The following TUBG1 variants were observed in gnomAD, a reference collection of about 807,000 sequenced individuals.
TUBG1 encodes the protein tubulin gamma 1.
TUBG1 carries 22 observed loss-of-function variants against 53.3 expected under a neutral mutation model. That is an observed-to-expected ratio of 0.41 (90% CI 0.29 to 0.59). The LOEUF (loss-of-function observed/expected upper bound fraction) is 0.59, where lower values mean the gene tolerates loss of function less well. Among genes scored for constraint, TUBG1 ranks in the 20% least tolerant of loss-of-function variants. TUBG1 has a pLI of 0.26. For synonymous variants in TUBG1, 198 were observed against 236.7 expected, an observed-to-expected ratio of 0.84 and a Z score of 1.50; for missense variants, 217 against 598.9, an observed-to-expected ratio of 0.36 and a Z score of 6.66.
Position 42,615,088 on chromosome 17 carries a change from C to A in TUBG1, c.*47C>A. The stretch of plus-strand genomic sequence containing the variant: ...CATCTGCCTTACTGGTTGGCCCAAG[C>A]CCTGCCTGACTGACCACCCCCTCAG... On this transcript the variant is annotated 3_prime_UTR_variant, in exon 11 of 11. Transcript: ENST00000251413. The A allele has an allele frequency of 6.3e-7, 1 of 1,598,182 alleles. No homozygotes were observed. Among genetic ancestry groups the A allele is most frequent in the South Asian group, 1.1e-5 (1 of 90,030 alleles).
In TUBG1 at chr17:42,612,153, C is replaced by T. The variant is rs533901827; in HGVS notation, c.399+10C>T. The stretch of plus-strand genomic sequence containing the variant: ...TAGTGACAGTCTAGAGGTAAGTGTC[C>T]CAGGAATGCTGGTAGGAGCCGACAT... On this transcript the variant is annotated intron_variant, in intron 4 of 10. Transcript: ENST00000251413. 6.2e-7 allele frequency: 1 copy of T among 1,613,796 alleles called. No individual in the cohort carries two copies. The highest frequency in any genetic ancestry group is 1.1e-5 in the South Asian group (1 of 91,068).
intron 3 of TUBG1, 163 bp downstream of exon 3, chr17:42,610,753 C>A: frequency 1.0e-6 from 1 of 962,090 alleles, no homozygotes; most frequent in Non-Finnish European, 1.5e-6. Flanking sequence ...CCTACACTAG[C>A]TAATGCAGTG....
chr17:42,610,883 G>C, intron 3 of TUBG1: 1 of 356,988 alleles, frequency 2.8e-6, no homozygotes, highest in Non-Finnish European at 5.0e-6. Flanking sequence ...AGAAAGCCAT[G>C]AAACCAAAGG....
intron 3 of TUBG1, chr17:42,611,024 T>C (rs2052028361): frequency 6.5e-6 from 1 of 154,248 alleles, no homozygotes; most frequent in African/African-American, 2.4e-5. Context: ...CAGGCTGGAG[T>C]GCAGTGGCAC....
At position 42,613,717 on chromosome 17, in the gene TUBG1, C is replaced by T; in HGVS notation, c.677C>T (p.Ser226Phe). ...DRLHIQNPSF[S>F]QINQLVSTIM... ...CTGCACATCCAGAACCCATCCTTCT[C>T]CCAGATCAACCAGCTGGTGGGCCCC... Residue 226 changes from serine (S) to phenylalanine (F), a missense_variant, in exon 7 of 11, where the codon TCC becomes TTC. Coordinates refer to ENST00000251413, the MANE Select transcript of TUBG1 (RefSeq NM_001070.5). 1 of 1,614,160 alleles carries T rather than the reference C, an allele frequency of 6.2e-7. No homozygotes were observed. The highest frequency in any genetic ancestry group is 8.5e-7 in the Non-Finnish European group (1 of 1,180,026).
rs1486665961 is a variant in TUBG1 at position 42,612,262 on chromosome 17, T to C, written c.399+119T>C. 14 of 1,321,790 alleles carry C rather than the reference T, an allele frequency of 1.1e-5. 1 individual carries two copies. The highest frequency in any genetic ancestry group is 1.4e-5 in the Non-Finnish European group (13 of 922,072). The allele number at this position is 1,321,790 out of a possible 1,614,324, so 81.9% of individuals were successfully genotyped here. A position where few individuals can be genotyped will look rare whatever the true frequency, so the allele number is the denominator to read the frequency against. Reference sequence around the variant, plus strand: ...TACCCTTTGCACTGGACAGAAGCTATCAGGCCTTGCCAGAAACAAGGCAGT... The same window carrying C: ...TACCCTTTGCACTGGACAGAAGCTACCAGGCCTTGCCAGAAACAAGGCAGT... On this transcript the variant is annotated intron_variant, in intron 4 of 10. Coordinates refer to ENST00000251413, the MANE Select transcript of TUBG1 (RefSeq NM_001070.5).
intron 1 of TUBG1, 90 bp from the exon 2 acceptor site, chr17:42,610,018 T>G (rs1415285607): frequency 7.4e-6 from 11 of 1,489,842 alleles, no homozygotes; most frequent in Non-Finnish European, 9.2e-6. Flanking sequence ...TTCTTATCCC[T>G]GGACGCAGGC....
At position 42,609,770 on chromosome 17, in the gene TUBG1, C is replaced by T; in HGVS notation, c.33C>T (p.Gly11=). 1 of 1,551,544 alleles carries T rather than the reference C, an allele frequency of 6.4e-7. No individual in the cohort carries two copies. Among genetic ancestry groups the T allele is most frequent in the East Asian group, 2.4e-5 (1 of 40,970 alleles). Residue 11 remains glycine (G), a synonymous_variant, in exon 1 of 11, where the codon GGC becomes GGT. Coordinates refer to ENST00000251413, the MANE Select transcript of TUBG1 (RefSeq NM_001070.5). ...GGGAAATCATCACCCTACAGTTGGG[C>T]CAGTGCGGCAATCAGAGTGAGCGAA... The part of the protein sequence containing the change: MPREIITLQL[G]QCGNQIGFEF...
chr17:42,612,816 C>T, intron 5 of TUBG1, 131 bp from the exon 6 acceptor site: 1 of 1,269,626 alleles, frequency 7.9e-7, no homozygotes, highest in Non-Finnish European at 1.1e-6. Context: ...GTCAAGGCTC[C>T]CTTCTCTACT....
At chr17:42,612,706 C>T (rs1271515541) in intron 5 of TUBG1, among the ~76,000 whole-genome samples, 200 bp downstream of exon 5, 2 of 152,090 alleles carry the variant, frequency 1.3e-5, no homozygotes, top group Non-Finnish European at 2.9e-5. Context: ...GAACCTGAGC[C>T]CTGGATGAAA....
intron 7 of TUBG1, 47 bp from the exon 8 acceptor site, chr17:42,613,802 A>T (rs1436572672): frequency 1.2e-6 from 2 of 1,613,982 alleles, no homozygotes; most frequent in Non-Finnish European, 1.7e-6. Context: ...TGGGGAAGGG[A>T]GGTCCCACCC....
rs375389391 is a variant in TUBG1 at position 42,609,717 on chromosome 17, A to G, written c.-21A>G. On this transcript the variant is annotated 5_prime_UTR_variant, in exon 1 of 11. Coordinates refer to ENST00000251413, the MANE Select transcript of TUBG1 (RefSeq NM_001070.5). The stretch of plus-strand genomic sequence containing the variant: ...CGCCGTTGCGGGCGGGAGCGGCTGC[A>G]ACGCCGGTGCCTGAGGAGCGATGCC... 314 of 1,545,390 alleles carry G rather than the reference A, an allele frequency of 2.0e-4. No individual in the cohort carries two copies. The highest frequency in any genetic ancestry group is 2.6e-4 in the Non-Finnish European group (300 of 1,144,438).
chr17:42,610,006 ACTT>A, intron 1 of TUBG1, 99 bp from the exon 2 acceptor site: 2 of 1,425,668 alleles, frequency 1.4e-6, no homozygotes, highest in Admixed American at 4.2e-5. Flanking sequence ...CTGCGGCTTG[ACTT>A]CTTATCCCTG....
At chr17:42,612,576 A>G (rs1441713313) in intron 5 of TUBG1, 70 bp downstream of exon 5, 4 of 1,366,254 alleles carry the variant, frequency 2.9e-6, no homozygotes, top group Admixed American at 1.7e-5. Flanking sequence ...GACCCAGCAG[A>G]TATAACTCCA....
In TUBG1 at chr17:42,614,881, G is replaced by A; in HGVS notation, c.1196G>A (p.Arg399His). 1.2e-6 allele frequency: 2 copies of A among 1,614,200 alleles called. No homozygotes were observed. Among genetic ancestry groups the A allele is most frequent in the Non-Finnish European group, 8.5e-7 (1 of 1,180,034 alleles). ...ACCTGTCGCCAGTATGACAAGCTGC[G>A]TAAGCGGGAGGCCTTCCTGGAGCAG... ...ERTCRQYDKL[R>H]KREAFLEQFR... is the part of the protein sequence containing the mutation. The change falls in exon 11 of 11, where the codon CGT becomes CAT. Residue 399 changes from arginine to histidine, a missense_variant. Around this residue, in one of 4 missense-constraint regions of TUBG1, gnomAD observed 135 missense variants for 371.2 expected, o/e 0.36. Transcript: ENST00000251413. The surrounding 1 kb of genome is among the most constrained non-coding windows in gnomAD (Gnocchi z 5.1).
rs986807568 is a variant in TUBG1, at chr17:42,613,635, C to T, written c.607-12C>T. ...ATCCCCATTGATCTGTGATCCTCTTCTGTCCCCCCAGGTGGTGCTGGACAA... is the reference window on the plus strand; with the variant it reads ...ATCCCCATTGATCTGTGATCCTCTTTTGTCCCCCCAGGTGGTGCTGGACAA... On this transcript the variant is annotated splice_polypyrimidine_tract_variant and intron_variant, in intron 6 of 10. Transcript: ENST00000251413. The T allele has an allele frequency of 1.2e-6, 2 of 1,614,166 alleles. No individual in the cohort carries two copies. The highest frequency in any genetic ancestry group is 3.3e-5 in the Admixed American group (2 of 60,006).
chr17:42,615,127 G>T lies in TUBG1; in HGVS notation c.*86G>T. On this transcript the variant is annotated 3_prime_UTR_variant, in exon 11 of 11. Transcript: ENST00000251413. The stretch of plus-strand genomic sequence containing the variant: ...CCACCCCCTCAGAGCACAGATCAGG[G>T]ACCTCACGCATCTCTTTCTCATATA... 3.0e-6 allele frequency: 4 copies of T among 1,339,862 alleles called. No individual in the cohort carries two copies. Among genetic ancestry groups the T allele is most frequent in the Non-Finnish European group, 4.2e-6 (4 of 954,310 alleles). 83.0% of individuals were successfully genotyped at this position (1,339,862 alleles called of 1,614,324 possible).
At chr17:42,611,803 C>G (rs2052036073) in intron 3 of TUBG1, among the ~76,000 whole-genome samples, 2 of 151,922 alleles carry the variant, frequency 1.3e-5, no homozygotes, top group Admixed American at 1.3e-4. Context: ...TTGCCATGAG[C>G]CAAGATCGCG....
In TUBG1 at chr17:42,613,949, G is replaced by A. The variant is rs767253705; in HGVS notation, c.794G>A (p.Arg265Gln). ...GLIASLIPTP[R>Q]LHFLMTGYTP... ...ATCGCCTCGCTCATTCCCACCCCACGGCTCCACTTCCTCATGACCGGCTAC... is the reference window on the plus strand; with the variant it reads ...ATCGCCTCGCTCATTCCCACCCCACAGCTCCACTTCCTCATGACCGGCTAC... Residue 265 changes from arginine to glutamine, a missense_variant, in exon 8 of 11, where the codon CGG becomes CAG. By Grantham distance (43) the Arg-to-Gln change is conservative. Coordinates refer to ENST00000251413, the MANE Select transcript of TUBG1 (RefSeq NM_001070.5). 83 of 1,613,960 alleles carry A rather than the reference G, an allele frequency of 5.1e-5. No homozygotes were observed. Among genetic ancestry groups the A allele is most frequent in the Non-Finnish European group, 3.6e-5 (42 of 1,180,028 alleles).
Sources: gnomAD v4.1 joint callset for allele counts (sites outside exome capture counted in the v4.1 genomes callset) on GRCh38, gnomAD v4.1.1 for gene constraint, gnomAD v4.1.1 regional missense constraint, Gnocchi (gnomAD v3.1) non-coding constraint, MANE v1.5 for transcripts, NCBI Gene and HGNC (gene_info 2026-07-23, HGNC 2026-07-21) for gene names.